RNF214: variants seen among roughly 807,000 people sequenced by gnomAD.
RNF214 encodes ring finger protein 214.
A neutral mutation model predicts 75.9 loss-of-function variants in RNF214; 25 were observed. That is an observed-to-expected ratio of 0.33 (90% CI 0.24 to 0.46). The LOEUF (loss-of-function observed/expected upper bound fraction) is 0.46, where lower values mean the gene tolerates loss of function less well. RNF214 is among the 20% of genes least tolerant of loss of function. RNF214 has a pLI of 1.00. For missense variants in RNF214, 725 were observed against 857.5 expected (o/e 0.85, Z 1.93); for synonymous variants, 314 against 308.8 (o/e 1.02, Z -0.18).
At chr11:117,256,410 C>T (rs1055413989) in intron 6 of RNF214, among the ~76,000 whole-genome samples, 1 of 152,102 alleles carries the variant, frequency 6.6e-6, no homozygotes, top group Non-Finnish European at 1.5e-5. Flanking sequence ...TTCTGTTGGC[C>T]TTGTTTGGAG....
intron 6 of RNF214, among the ~76,000 whole-genome samples, chr11:117,262,664 G>A (rs2033693038): frequency 6.6e-6 from 1 of 151,982 alleles, no homozygotes; most frequent in East Asian, 1.9e-4. Context: ...TTACAAGCGT[G>A]AGCTACCATG....
At chr11:117,262,707 T>TTG (rs57686552) in intron 6 of RNF214, among the ~76,000 whole-genome samples, 7,033 of 147,708 alleles carry the variant, frequency 0.048, 202 homozygotes, top group African/African-American at 0.064. Context: ...TTGAGGAACG[T>TTG]TGTGTGTGTG....
chr11:117,280,926 C>T (rs1017795932), intron 8 of RNF214, among the ~76,000 whole-genome samples: 1 of 149,750 alleles, frequency 6.7e-6, no homozygotes, highest in African/African-American at 2.5e-5. Flanking sequence ...CTCTTCTCAA[C>T]GGCAATTAGC....
intron 2 of RNF214, among the ~76,000 whole-genome samples, chr11:117,235,475 C>T (rs964076307): frequency 4.1e-5 from 6 of 144,890 alleles, no homozygotes; most frequent in Non-Finnish European, 6.0e-5. Flanking sequence ...GGATTACAGG[C>T]GTGAGTCACC....
rs368509571 is a variant in RNF214, at chr11:117,282,798, C to T, written c.1898C>T (p.Thr633Ile). Residue 633 changes from threonine to isoleucine, a missense_variant, in exon 13 of 15, where the codon ACC becomes ATC. Physicochemically the swap from Thr to Ile is moderately conservative, Grantham distance 89 (BLOSUM62 -1). Transcript: ENST00000300650. ...LFPAPLAQISTPMFLPSAQVS... is the reference protein window; with the variant it reads ...LFPAPLAQISIPMFLPSAQVS... ...CCTGCTCCACTGGCCCAAATCAGTACCCCAATGTTCTTGCCTTCTGCCCAA... is the reference window on the plus strand; with the variant it reads ...CCTGCTCCACTGGCCCAAATCAGTATCCCAATGTTCTTGCCTTCTGCCCAA... 2 of 1,614,142 alleles carry T rather than the reference C, an allele frequency of 1.2e-6. No individual in the cohort carries two copies. The highest frequency in any genetic ancestry group is 1.7e-6 in the Non-Finnish European group (2 of 1,180,010).
chr11:117,286,201 G>T lies in RNF214; in HGVS notation c.*1050G>T, dbSNP rs1424133477. The T allele has an allele frequency of 6.6e-6, 1 of 152,532 alleles. No homozygotes were observed. Among genetic ancestry groups the T allele is most frequent in the East Asian group, 1.9e-4 (1 of 5,198 alleles). 9.4% of individuals were successfully genotyped at this position (152,532 alleles called of 1,614,324 possible). A position where few individuals can be genotyped will look rare whatever the true frequency, so the allele number is the denominator to read the frequency against. ...GGGGGGGACATATTTCCTGTCCTGG[G>T]AAAAATGGAGACCAAAGTGATATTA... On this transcript the variant is annotated 3_prime_UTR_variant, in exon 15 of 15. Coordinates refer to ENST00000300650, the MANE Select transcript of RNF214 (RefSeq NM_207343.4).
At chr11:117,243,707 C>A (rs2033140245) in intron 4 of RNF214, among the ~76,000 whole-genome samples, 1 of 151,990 alleles carries the variant, frequency 6.6e-6, no homozygotes, top group South Asian at 2.1e-4. Flanking sequence ...AGAAGCACTT[C>A]TATTTATTTA....
At chr11:117,279,396 A>G (rs1217737803) in intron 6 of RNF214, among the ~76,000 whole-genome samples, 1 of 147,208 alleles carries the variant, frequency 6.8e-6, no homozygotes, top group African/African-American at 2.6e-5. Context: ...CAGTGGTGCA[A>G]TCTCGGCTCA....
intron 6 of RNF214, among the ~76,000 whole-genome samples, chr11:117,258,029 G>A (rs1042256108): frequency 3.3e-5 from 5 of 151,600 alleles, no homozygotes; most frequent in Non-Finnish European, 5.9e-5. Flanking sequence ...AGTTGTTTTT[G>A]TCAGCCTTTC....
At chr11:117,250,816 C>G (rs1351263033) in intron 6 of RNF214, among the ~76,000 whole-genome samples, 2 of 146,618 alleles carry the variant, frequency 1.4e-5, no homozygotes, top group East Asian at 2.0e-4. Context: ...GGTGATGACT[C>G]TTAACGAGCA....
intron 6 of RNF214, among the ~76,000 whole-genome samples, chr11:117,271,843 C>G (rs1457074671): frequency 6.6e-6 from 1 of 152,058 alleles, no homozygotes; most frequent in Non-Finnish European, 1.5e-5. Flanking sequence ...TGTTTTGAGA[C>G]AGGGTCTCGC....
chr11:117,235,835 A>G (rs2134351089), intron 2 of RNF214, among the ~76,000 whole-genome samples: 1 of 152,284 alleles, frequency 6.6e-6, no homozygotes, highest in Middle Eastern at 3.4e-3. Context: ...TAGTGATCAG[A>G]TCAGGGTAAT....
chr11:117,256,319 C>T (rs1051730040), intron 6 of RNF214, among the ~76,000 whole-genome samples: 2 of 152,222 alleles, frequency 1.3e-5, no homozygotes, highest in African/African-American at 4.8e-5. Context: ...AAAAATACCA[C>T]TGTAAAAGTT....
chr11:117,242,497 G>A (rs2033107119), intron 4 of RNF214, among the ~76,000 whole-genome samples: 1 of 152,198 alleles, frequency 6.6e-6, no homozygotes, highest in African/African-American at 2.4e-5. Context: ...GCCAGAAGAG[G>A]CCCAGGGTTG....
At chr11:117,284,122 G>A (rs535445636) in intron 14 of RNF214, among the ~76,000 whole-genome samples, 1 of 152,300 alleles carries the variant, frequency 6.6e-6, no homozygotes, top group Admixed American at 6.5e-5. Flanking sequence ...TTGACAATGA[G>A]TGATAATCCC....
chr11:117,238,833 A>G lies in RNF214; in HGVS notation c.340A>G (p.Ser114Gly), dbSNP rs998744503. ...TCAGTCTGATTTGAAGGATGTGGCC[A>G]GCACAGCAGGAGAGGAGGGGGACAC... ...GSQSDLKDVA[S>G]TAGEEGDTSL... Residue 114 changes from serine (S) to glycine (G), a missense_variant, in exon 3 of 15, where the codon AGC (serine) becomes GGC (glycine). By Grantham distance (56) the Ser-to-Gly change is moderately conservative. Transcript: ENST00000300650. The G allele has an allele frequency of 6.8e-6, 11 of 1,614,104 alleles. No homozygotes were observed. In the Admixed American group the frequency reaches 1.3e-4, roughly 20 times the overall value.
At chr11:117,243,156 A>ATTTAT (rs1470556892) in intron 4 of RNF214, among the ~76,000 whole-genome samples, 1 of 151,556 alleles carries the variant, frequency 6.6e-6, no homozygotes, top group Non-Finnish European at 1.5e-5. Context: ...TAATTTATTT[A>ATTTAT]TTTATTTTGA....
chr11:117,239,237 A>G (rs2033003778), intron 3 of RNF214, 126 bp downstream of exon 3: 1 of 911,324 alleles, frequency 1.1e-6, no homozygotes, highest in South Asian at 1.6e-5. Context: ...TTTTGCTAGC[A>G]ACCATCATAC....
At chr11:117,281,812 T>C (rs890502086) in intron 10 of RNF214, 82 bp from the exon 11 acceptor site, 8 of 1,534,058 alleles carry the variant, frequency 5.2e-6, no homozygotes, top group South Asian at 1.2e-5. Context: ...AGTGCAAGAG[T>C]TGTTCATTGA....
Sources: allele counts gnomAD v4.1 joint callset (sites outside exome capture counted in the v4.1 genomes callset), GRCh38; gene constraint gnomAD v4.1.1; transcripts MANE v1.5; gene names NCBI Gene and HGNC (gene_info 2026-07-23, HGNC 2026-07-21).